The following CACNA2D3 variants were observed in gnomAD, a reference collection of about 807,000 sequenced individuals.
The protein encoded by CACNA2D3 is calcium voltage-gated channel auxiliary subunit alpha2delta 3.
CACNA2D3 carries 60 observed loss-of-function variants against 160.6 expected under a neutral mutation model. The observed-to-expected ratio is 0.37, with a 90% CI of 0.30 to 0.46. The LOEUF (loss-of-function observed/expected upper bound fraction) is 0.46, where lower values mean the gene tolerates loss of function less well. CACNA2D3 is among the 20% of genes least tolerant of loss of function. The pLI is 1.00. For synonymous variants in CACNA2D3, 558 were observed against 492.9 expected, an observed-to-expected ratio of 1.13 and a Z score of -1.75; for missense variants, 1,205 against 1,365.0, an observed-to-expected ratio of 0.88 and a Z score of 1.85.
chr3:54,800,357 C>T (rs975331869), intron 13 of CACNA2D3, among the ~76,000 whole-genome samples: 1 of 152,200 alleles, frequency 6.6e-6, no homozygotes, highest in African/African-American at 2.4e-5. Flanking sequence ...CTGGTTCTAC[C>T]AGTCTGCATT....
At chr3:55,018,687 A>G (rs1254598931) in intron 35 of CACNA2D3, among the ~76,000 whole-genome samples, 1 of 151,442 alleles carries the variant, frequency 6.6e-6, no homozygotes, top group African/African-American at 2.4e-5. Context: ...GGATTTACCC[A>G]AACCTGATAA....
At chr3:54,188,445 C>T (rs576120548) in intron 2 of CACNA2D3, among the ~76,000 whole-genome samples, 26 of 152,276 alleles carry the variant, frequency 1.7e-4, no homozygotes, top group African/African-American at 6.0e-4. Flanking sequence ...ATAGCGTTCT[C>T]GGCAGAGTCT....
chr3:54,809,588 G>C (rs1703243627), intron 13 of CACNA2D3, among the ~76,000 whole-genome samples: 2 of 140,508 alleles, frequency 1.4e-5, no homozygotes, highest in Admixed American at 1.4e-4. Flanking sequence ...AAAGTGCTGG[G>C]ATTACAGGCG....
intron 2 of CACNA2D3, among the ~76,000 whole-genome samples, chr3:54,209,153 A>G (rs577353450): frequency 3.3e-5 from 5 of 152,214 alleles, no homozygotes; most frequent in South Asian, 2.1e-4. Context: ...CAGCCAAACC[A>G]TATCAGAAGG....
At chr3:54,152,343 T>A (rs1203429950) in intron 2 of CACNA2D3, among the ~76,000 whole-genome samples, 1 of 152,224 alleles carries the variant, frequency 6.6e-6, no homozygotes, top group African/African-American at 2.4e-5. Flanking sequence ...AAAAGCTGCA[T>A]TCCTATTGGC....
chr3:54,483,323 C>T (rs2106904202), intron 4 of CACNA2D3, among the ~76,000 whole-genome samples: 1 of 152,250 alleles, frequency 6.6e-6, no homozygotes, highest in Admixed American at 6.5e-5. Context: ...GCTTCTAAAG[C>T]AAACAGCATC....
intron 8 of CACNA2D3, among the ~76,000 whole-genome samples, chr3:54,576,316 A>G (rs948956710): frequency 3.9e-5 from 6 of 152,098 alleles, no homozygotes; most frequent in Admixed American, 3.9e-4. Flanking sequence ...GAGCCTGTGT[A>G]TGCTGGGATT....
rs11541701 is a variant in CACNA2D3, at chr3:54,918,700, C to A, written c.2449+18832C>A. The stretch of plus-strand genomic sequence containing the variant: ...TTTGAGCTCGCACTCCAAGAGTTCT[C>A]GCTCCCCCGCGTTGTGGTTCTCAGG... On this transcript the variant is annotated intron_variant, in intron 27 of 37. Transcript: ENST00000474759. The A allele has an allele frequency of 8.8e-4, 1,426 of 1,614,150 alleles. 9 individuals carry two copies. The African/African-American group carries it at 0.017, about 19-fold the overall frequency.
At chr3:54,746,321 A>G (rs1364104156) in intron 11 of CACNA2D3, among the ~76,000 whole-genome samples, 1 of 152,254 alleles carries the variant, frequency 6.6e-6, no homozygotes, top group Non-Finnish European at 1.5e-5. Context: ...GGTTAGTAAT[A>G]TCTTTTGTGA....
rs565870309 is a variant in CACNA2D3, at chr3:54,148,586, T to G, written c.204+24992T>G. ...AAAGGAGGTGGAGTTGGCCAGCAGG[T>G]CAGGAACCAGTGGACCACAGGTGGC... On this transcript the variant is annotated intron_variant, in intron 2 of 37. Transcript: ENST00000474759. 1.4e-3 allele frequency among the ~76,000 whole-genome samples: 217 copies of G among 152,224 alleles called. 2 individuals are homozygous for G. Among genetic ancestry groups the G allele is most frequent in the African/African-American group, 4.9e-3 (205 of 41,538 alleles).
At chr3:54,328,241 C>T (rs1704162075) in intron 3 of CACNA2D3, among the ~76,000 whole-genome samples, 1 of 152,028 alleles carries the variant, frequency 6.6e-6, no homozygotes, top group Non-Finnish European at 1.5e-5. Flanking sequence ...AGTCTTTTGG[C>T]CAAGTTTAGT....
At chr3:54,895,511 G>A (rs905843259) in intron 25 of CACNA2D3, among the ~76,000 whole-genome samples, 1 of 152,170 alleles carries the variant, frequency 6.6e-6, no homozygotes, top group South Asian at 2.1e-4. Flanking sequence ...GACACACCCT[G>A]CAACTACTGA....
chr3:54,610,770 C>G (rs1698735706), intron 9 of CACNA2D3, among the ~76,000 whole-genome samples: 1 of 152,132 alleles, frequency 6.6e-6, no homozygotes, highest in African/African-American at 2.4e-5. Context: ...GCTGGTATTA[C>G]AGACATCCGC....
At position 54,144,450 on chromosome 3, in the gene CACNA2D3, C is replaced by T. The variant is rs565536953; in HGVS notation, c.204+20856C>T. On this transcript the variant is annotated intron_variant, in intron 2 of 37. Coordinates refer to ENST00000474759, the MANE Select transcript of CACNA2D3 (RefSeq NM_018398.3). ...GAACTTCATCAGCGCTCTCCATTCTCGCTGCCCTGTGTGTGTGCATTGCAT... is the reference window on the plus strand; with the variant it reads ...GAACTTCATCAGCGCTCTCCATTCTTGCTGCCCTGTGTGTGTGCATTGCAT... 1.4e-4 allele frequency among the ~76,000 whole-genome samples: 22 copies of T among 152,358 alleles called. 2 individuals are homozygous for T. In the South Asian group the frequency reaches 4.3e-3, roughly 30 times the overall value.
chr3:54,538,792 T>A (rs1701926665), intron 5 of CACNA2D3, among the ~76,000 whole-genome samples: 1 of 152,180 alleles, frequency 6.6e-6, no homozygotes, highest in Non-Finnish European at 1.5e-5. Flanking sequence ...GAGTGACCCC[T>A]GGCCCATTTC....
intron 17 of CACNA2D3, among the ~76,000 whole-genome samples, chr3:54,867,047 G>A (rs929039361): frequency 5.9e-5 from 9 of 152,150 alleles, no homozygotes; most frequent in Admixed American, 2.0e-4. Context: ...TTTGGAAACC[G>A]TTTGCAATTA....
At chr3:54,255,867 A>G (rs1702283734) in intron 2 of CACNA2D3, among the ~76,000 whole-genome samples, 1 of 152,200 alleles carries the variant, frequency 6.6e-6, no homozygotes, top group South Asian at 2.1e-4. Context: ...TACTTCCAGA[A>G]TTAATCATTT....
chr3:54,344,636 C>T (rs950999676), intron 3 of CACNA2D3, among the ~76,000 whole-genome samples: 8 of 152,080 alleles, frequency 5.3e-5, no homozygotes, highest in East Asian at 1.9e-4. Context: ...AGCTCTGTGA[C>T]GTCTATGTAG....
At chr3:54,781,834 A>G (rs187305810) in intron 13 of CACNA2D3, among the ~76,000 whole-genome samples, 1 of 152,236 alleles carries the variant, frequency 6.6e-6, no homozygotes, top group Non-Finnish European at 1.5e-5. Context: ...GGCCCCTTGC[A>G]TCAGAGCAAA....
Sources: gnomAD v4.1 joint callset for allele counts (sites outside exome capture counted in the v4.1 genomes callset) on GRCh38, gnomAD v4.1.1 for gene constraint, MANE v1.5 for transcripts, NCBI Gene and HGNC (gene_info 2026-07-23, HGNC 2026-07-21) for gene names.